CA14: variants seen among roughly 807,000 people sequenced by gnomAD.
CA14 encodes the protein CA-XIV.
A neutral mutation model predicts 48.8 loss-of-function variants in CA14; 44 were observed. The observed-to-expected ratio is 0.90, with a 90% CI of 0.71 to 1.16. The LOEUF (loss-of-function observed/expected upper bound fraction) is 1.16. Among genes scored for constraint, CA14 ranks in the 50% most tolerant of loss-of-function variants. The pLI is 0.00. For synonymous variants in CA14, 154 were observed against 155.0 expected, an observed-to-expected ratio of 0.99 and a Z score of 0.05; for missense variants, 386 against 401.0, an observed-to-expected ratio of 0.96 and a Z score of 0.32.
At chr1:150,261,310 C>A in intron 2 of CA14, 149 bp from the exon 3 acceptor site, 1 of 657,964 alleles carries the variant, frequency 1.5e-6, no homozygotes, top group Non-Finnish European at 2.7e-6. Context: ...CCCTATACAA[C>A]TGGGGTCTTA....
intron 7 of CA14, 31 bp from the exon 8 acceptor site, chr1:150,263,268 G>A (rs1651248972): frequency 6.2e-7 from 1 of 1,613,936 alleles, no homozygotes. Flanking sequence ...ACTCCCCAAA[G>A]TAACACCTCT....
rs112731733 is a variant in CA14, at chr1:150,261,542, A to G, written c.160A>G (p.Ser54Gly). The change falls in exon 3 of 11, where the codon AGT becomes GGT. Residue 54 changes from serine (S) to glycine (G), a missense_variant. Transcript: ENST00000369111. ...AQSPIDIQTD[S>G]VTFDPDLPAL... Reference sequence around the variant, plus strand: ...GTCGCCCATCGATATTCAGACAGACAGTGTGACATTTGACCCTGATTTGCC... The same window carrying G: ...GTCGCCCATCGATATTCAGACAGACGGTGTGACATTTGACCCTGATTTGCC... 6.2e-7 allele frequency: 1 copy of G among 1,614,184 alleles called. No homozygotes were observed. The highest frequency in any genetic ancestry group is 1.1e-5 in the South Asian group (1 of 91,080).
chr1:150,262,438 G>GA lies in CA14; in HGVS notation c.400-86dup, dbSNP rs1651120745. 5 of 1,474,538 alleles carry GA rather than the reference G, an allele frequency of 3.4e-6. No individual in the cohort carries two copies. The Admixed American group carries it at 8.5e-5, about 25-fold the overall frequency. 91.3% of individuals were successfully genotyped at this position (1,474,538 alleles called of 1,614,324 possible). ...AGGGACAGACTTAGTGCCTGCCGGG[G>GA]ACAGCGGGGGGATGGTGGCAGCTAG... is the stretch of plus-strand genomic sequence containing the variant. On this transcript the variant is annotated intron_variant, in intron 4 of 10. Coordinates refer to ENST00000369111, the MANE Select transcript of CA14 (RefSeq NM_012113.3).
At chr1:150,262,981 C>T (rs1651200996) in intron 6 of CA14, 61 bp from the exon 7 acceptor site, 4 of 1,603,322 alleles carry the variant, frequency 2.5e-6, no homozygotes, top group South Asian at 1.1e-5. Context: ...CTTCTGGGAG[C>T]CCTATCTAGG....
At chr1:150,259,808 G>A (rs1295613972) in intron 1 of CA14, among the ~76,000 whole-genome samples, 2 of 150,846 alleles carry the variant, frequency 1.3e-5, no homozygotes, top group Non-Finnish European at 3.0e-5. Flanking sequence ...TCTTCTAAGT[G>A]TTAGATTGAC....
chr1:150,260,573 G>T, intron 2 of CA14: 1 of 336,952 alleles, frequency 3.0e-6, no homozygotes, highest in Non-Finnish European at 5.8e-6. Context: ...TGGCAGGATA[G>T]TTTCTGACCC....
At chr1:150,263,915 C>CTTTTTTTTTT (rs34291619) in intron 10 of CA14, 37 bp downstream of exon 10, 2 of 860,410 alleles carry the variant, frequency 2.3e-6, no homozygotes, top group African/African-American at 1.9e-5. Context: ...GTCCCTTCTT[C>CTTTTTTTTTT]TTTTTTTTTT....
In CA14 at chr1:150,263,165, T is replaced by C; in HGVS notation, c.686T>C (p.Val229Ala). 3 of 1,614,034 alleles carry C rather than the reference T, an allele frequency of 1.9e-6. No homozygotes were observed. The highest frequency in any genetic ancestry group is 1.6e-4 in the Middle Eastern group (1 of 6,062). ...PPCYQSVLWT[V>A]FYRRSQISME... ...TGCTACCAGAGTGTGCTCTGGACAG[T>C]TTTTTATAGAAGGTCCCAGATTTCA... Residue 229 changes from valine to alanine, a missense_variant, in exon 7 of 11, where the codon GTT (valine) becomes GCT (alanine). Transcript: ENST00000369111.
In CA14 at chr1:150,262,803, G is replaced by T; in HGVS notation, c.496-1G>T. 1.9e-6 allele frequency: 3 copies of T among 1,606,952 alleles called. No homozygotes were observed. The highest frequency in any genetic ancestry group is 2.6e-6 in the Non-Finnish European group (3 of 1,173,518). ...ACTCTCTCCCTTTCCTTCTCTTCCAGGTGGGTGAGACTAAGAATATAGCTT... is the reference window on the plus strand; with the variant it reads ...ACTCTCTCCCTTTCCTTCTCTTCCATGTGGGTGAGACTAAGAATATAGCTT... On this transcript the variant is annotated splice_acceptor_variant, in intron 5 of 10. Coordinates refer to ENST00000369111, the MANE Select transcript of CA14 (RefSeq NM_012113.3). LOFTEE classifies it high-confidence loss of function.
chr1:150,258,251 G>C (rs180794850), intron 1 of CA14, 68 bp downstream of exon 1: 1 of 1,321,742 alleles, frequency 7.6e-7, no homozygotes, highest in East Asian at 2.4e-5. Flanking sequence ...TGTGCTTAAT[G>C]GGGGGAGGAG....
chr1:150,260,887 G>C (rs1650972790), intron 2 of CA14: 1 of 153,390 alleles, frequency 6.5e-6, no homozygotes, highest in South Asian at 2.0e-4. Context: ...AGCTTCTCGA[G>C]TAGCTGGGAT....
At chr1:150,261,740 G>A in intron 3 of CA14, 102 bp downstream of exon 3, 5 of 1,075,660 alleles carry the variant, frequency 4.6e-6, no homozygotes, top group South Asian at 1.6e-5. Context: ...TCCTGAGCAT[G>A]CGTAAGATGT....
intron 5 of CA14, 69 bp from the exon 6 acceptor site, chr1:150,262,735 T>C: frequency 7.1e-7 from 1 of 1,404,308 alleles, no homozygotes; most frequent in Non-Finnish European, 1.0e-6. Context: ...TGACCATTTA[T>C]TCTGTACATA....
chr1:150,263,864 T>G lies in CA14; in HGVS notation c.933T>G (p.Ile311Met), dbSNP rs375311747. 1.1e-5 allele frequency: 17 copies of G among 1,612,964 alleles called. No individual in the cohort carries two copies. In the East Asian group the frequency reaches 1.6e-4, roughly 15 times the overall value. ...CLCLLLAVYF[I>M]ARKIRKKRLE... ...GCCTTCTCCTGGCTGTTTATTTCAT[T>G]GCTAGAAAGATTCGGTGAGGCCCTA... is the stretch of plus-strand genomic sequence containing the variant. The change falls in exon 10 of 11, where the codon ATT becomes ATG. Residue 311 changes from isoleucine (I) to methionine (M), a missense_variant. Transcript: ENST00000369111.
intron 1 of CA14, among the ~76,000 whole-genome samples, chr1:150,259,268 T>C (rs1327897500): frequency 6.6e-6 from 1 of 152,176 alleles, no homozygotes; most frequent in Non-Finnish European, 1.5e-5. Flanking sequence ...CCAGAGTTTC[T>C]AGTAGTATGA....
chr1:150,260,595 G>A (rs1285284227), intron 2 of CA14: 1 of 325,410 alleles, frequency 3.1e-6, no homozygotes, highest in African/African-American at 2.2e-5. Context: ...GGGGGAGGTG[G>A]AACTCAGTTC....
rs1651030117 is a variant in CA14, at chr1:150,261,527, G to A, written c.145G>A (p.Asp49Asn). The A allele has an allele frequency of 7.4e-6, 12 of 1,614,130 alleles. No homozygotes were observed. Among genetic ancestry groups the A allele is most frequent in the Middle Eastern group, 1.6e-4 (1 of 6,062 alleles). The change falls in exon 3 of 11, where the codon GAT becomes AAT. Residue 49 changes from aspartate to asparagine, a missense_variant. Physicochemically the swap from Asp to Asn is conservative, Grantham distance 23 (BLOSUM62 1). Coordinates refer to ENST00000369111, the MANE Select transcript of CA14 (RefSeq NM_012113.3). ...TGGAAACAATGCCCAGTCGCCCATCGATATTCAGACAGACAGTGTGACATT... is the reference window on the plus strand; with the variant it reads ...TGGAAACAATGCCCAGTCGCCCATCAATATTCAGACAGACAGTGTGACATT... ...ECGNNAQSPIDIQTDSVTFDP... is the reference protein window; with the variant it reads ...ECGNNAQSPINIQTDSVTFDP...
rs782013426 is a variant in CA14, at chr1:150,262,557, T to C, written c.432T>C (p.Tyr144=). 15 of 1,613,960 alleles carry C rather than the reference T, an allele frequency of 9.3e-6. No homozygotes were observed. Among genetic ancestry groups the C allele is most frequent in the East Asian group, 4.5e-5 (2 of 44,892 alleles). The change falls in exon 5 of 11, where the codon TAT becomes TAC. Residue 144 remains tyrosine, a synonymous_variant. Coordinates refer to ENST00000369111, the MANE Select transcript of CA14 (RefSeq NM_012113.3). ...TTGTACATTATGACTCTGATTCCTA[T>C]GACAGCTTGAGTGAGGCTGCTGAGA... is the stretch of plus-strand genomic sequence containing the variant. ...LHIVHYDSDS[Y]DSLSEAAERP...
At chr1:150,260,421 A>G (rs1438028150) in intron 2 of CA14, 1 of 577,388 alleles carries the variant, frequency 1.7e-6, no homozygotes, top group Non-Finnish European at 3.2e-6. Flanking sequence ...GGAGTGAGGG[A>G]GCTGGGGTGG....
Sources: allele counts gnomAD v4.1 joint callset (sites outside exome capture counted in the v4.1 genomes callset), GRCh38; gene constraint gnomAD v4.1.1; transcripts MANE v1.5; gene names NCBI Gene and HGNC (gene_info 2026-07-23, HGNC 2026-07-21).